Variants in DACH1 observed in about 807,000 individuals in gnomAD.
DACH1 encodes dachshund family transcription factor 1.
In DACH1, 12 loss-of-function variants were observed where a neutral mutation model predicts 54.2. The observed-to-expected ratio is 0.22, with a 90% CI of 0.14 to 0.36. DACH1 has a LOEUF of 0.36. DACH1 is among the 10% of genes least tolerant of loss of function. The pLI, the probability that DACH1 is intolerant of heterozygous loss-of-function variation, is 1.00. For synonymous variants in DACH1, 386 were observed against 366.2 expected (o/e 1.05, Z -0.62); for missense variants, 805 against 929.8 (o/e 0.87, Z 1.75).
intron 3 of DACH1, among the ~76,000 whole-genome samples, chr13:71,618,410 C>T (rs2138535004): frequency 6.6e-6 from 1 of 152,156 alleles, no homozygotes; most frequent in East Asian, 1.9e-4. Context: ...CATTTCTGAG[C>T]TCACTTTTCC....
chr13:71,750,411 G>A (rs1186157921), intron 1 of DACH1, among the ~76,000 whole-genome samples: 3 of 152,102 alleles, frequency 2.0e-5, no homozygotes, highest in Non-Finnish European at 4.4e-5. Context: ...ATGAATGAAT[G>A]ACAACAGAAT....
chr13:71,612,033 C>A (rs1043655483), intron 3 of DACH1, among the ~76,000 whole-genome samples: 1 of 152,058 alleles, frequency 6.6e-6, no homozygotes, highest in Non-Finnish European at 1.5e-5. Context: ...TATAACATCA[C>A]AAAAGATATT....
intron 1 of DACH1, among the ~76,000 whole-genome samples, chr13:71,729,400 A>G (rs1049374519): frequency 8.5e-5 from 13 of 152,060 alleles, no homozygotes; most frequent in Admixed American, 6.5e-4. Context: ...ACATAAAAGG[A>G]CACCACTCCT....
chr13:71,510,853 A>G (rs575860031), intron 6 of DACH1, among the ~76,000 whole-genome samples: 2 of 152,058 alleles, frequency 1.3e-5, no homozygotes, highest in South Asian at 4.2e-4. Context: ...TTTTATCTCT[A>G]TACTAGATCT....
chr13:71,840,270 T>G (rs1192611110), intron 1 of DACH1, among the ~76,000 whole-genome samples: 1 of 152,218 alleles, frequency 6.6e-6, no homozygotes, highest in Non-Finnish European at 1.5e-5. Flanking sequence ...TATTTAAAAC[T>G]GATTATTAAA....
At chr13:71,636,172 T>C (rs1407139572) in intron 2 of DACH1, among the ~76,000 whole-genome samples, 1 of 152,108 alleles carries the variant, frequency 6.6e-6, no homozygotes, top group Non-Finnish European at 1.5e-5. Flanking sequence ...GAAGTGATGT[T>C]CTCCAAGCCC....
In DACH1 at chr13:71,585,328, C is replaced by T. The variant is rs923799943; in HGVS notation, c.1127-12316G>A. On this transcript the variant is annotated intron_variant, in intron 3 of 10. Transcript: ENST00000613252. ...TGTGTGTTGGAAAAAAAATATATTT[C>T]AAAATGATGCAATAAGGTAAAGACT... is the stretch of plus-strand genomic sequence containing the variant. 3.9e-5 allele frequency among the ~76,000 whole-genome samples: 6 copies of T among 152,132 alleles called. 1 individual carries two copies. Among genetic ancestry groups the T allele is most frequent in the Admixed American group, 3.3e-4 (5 of 15,274 alleles).
In DACH1 at chr13:71,585,583, C is replaced by G. The variant is rs1336060241; in HGVS notation, c.1127-12571G>C. On this transcript the variant is annotated intron_variant, in intron 3 of 10. Coordinates refer to ENST00000613252, the MANE Select transcript of DACH1 (RefSeq NM_080759.6). Reference sequence around the variant, plus strand: ...GCAGTGAGGCGAAGACATACATAAACGGTGCGTCTGGATGACAGCTGGGTA... The same window carrying G: ...GCAGTGAGGCGAAGACATACATAAAGGGTGCGTCTGGATGACAGCTGGGTA... 2.6e-5 allele frequency among the ~76,000 whole-genome samples: 4 copies of G among 152,070 alleles called. No individual in the cohort carries two copies. The East Asian group carries it at 7.7e-4, about 29-fold the overall frequency.
chr13:71,657,945 T>G lies in DACH1; in HGVS notation c.964+23850A>C, dbSNP rs553645574. Among the ~76,000 whole-genome samples, 5 of 152,090 alleles carry G rather than the reference T, an allele frequency of 3.3e-5. No individual in the cohort carries two copies. The East Asian group carries it at 5.8e-4, about 18-fold the overall frequency. The stretch of plus-strand genomic sequence containing the variant: ...AAGTATACTCACGAACTTAAATAAT[T>G]CAACACAAAATAAAAAATGTACTTT... On this transcript the variant is annotated intron_variant, in intron 2 of 10. Coordinates refer to ENST00000613252, the MANE Select transcript of DACH1 (RefSeq NM_080759.6).
chr13:71,587,382 T>A (rs185694424), intron 3 of DACH1, among the ~76,000 whole-genome samples: 4 of 152,224 alleles, frequency 2.6e-5, no homozygotes, highest in Admixed American at 2.6e-4. Flanking sequence ...CAGCAGTGGA[T>A]AATGCCCCTT....
At chr13:71,719,938 T>G (rs933415490) in intron 1 of DACH1, among the ~76,000 whole-genome samples, 2 of 152,158 alleles carry the variant, frequency 1.3e-5, no homozygotes, top group Non-Finnish European at 2.9e-5. Context: ...CTACTTTTAG[T>G]TCTTTATTTA....
intron 4 of DACH1, among the ~76,000 whole-genome samples, chr13:71,560,698 C>T (rs1388202946): frequency 6.6e-6 from 1 of 152,164 alleles, no homozygotes; most frequent in Non-Finnish European, 1.5e-5. Flanking sequence ...AAGCTCTGTA[C>T]ATTCTCCATT....
chr13:71,842,982 GAC>G (rs1389535888), intron 1 of DACH1, among the ~76,000 whole-genome samples: 9 of 152,148 alleles, frequency 5.9e-5, no homozygotes. Flanking sequence ...TTATGGAACA[GAC>G]ACACTTCTAT....
chr13:71,504,552 G>T (rs1228177412), intron 6 of DACH1, among the ~76,000 whole-genome samples: 1 of 152,120 alleles, frequency 6.6e-6, no homozygotes, highest in East Asian at 1.9e-4. Flanking sequence ...GATCGCTAAG[G>T]GGAGAGAGGT....
intron 3 of DACH1, among the ~76,000 whole-genome samples, chr13:71,609,588 C>T (rs193182233): frequency 2.6e-5 from 4 of 151,932 alleles, no homozygotes; most frequent in Admixed American, 6.6e-5. Context: ...AGCCCAGGCG[C>T]GATCTTGGCT....
chr13:71,565,695 T>C (rs144060074), intron 4 of DACH1, among the ~76,000 whole-genome samples: 4 of 152,124 alleles, frequency 2.6e-5, no homozygotes, highest in Admixed American at 6.6e-5. Flanking sequence ...ACTTTGATTA[T>C]GGAACTCCAT....
chr13:71,721,515 A>G (rs978837387), intron 1 of DACH1, among the ~76,000 whole-genome samples: 5 of 152,148 alleles, frequency 3.3e-5, no homozygotes, highest in Non-Finnish European at 7.4e-5. Flanking sequence ...CATTCATTAA[A>G]AGCAGCTTGG....
rs182984834 is a variant in DACH1, at chr13:71,438,261, C to T, written c.*2394G>A. 1.6e-4 allele frequency: 24 copies of T among 152,236 alleles called. No individual in the cohort carries two copies. The highest frequency in any genetic ancestry group is 3.0e-4 in the Non-Finnish European group (20 of 67,794). 9.4% of individuals were successfully genotyped at this position (152,236 alleles called of 1,614,324 possible). A position where few individuals can be genotyped will look rare whatever the true frequency, so the allele number is the denominator to read the frequency against. On this transcript the variant is annotated 3_prime_UTR_variant, in exon 11 of 11. Transcript: ENST00000613252. Reference sequence around the variant, plus strand: ...TTCTGTTCCAAGGGCTTGCATAGAGCGCAAATGTGGTTATAATATAGAACA... The same window carrying T: ...TTCTGTTCCAAGGGCTTGCATAGAGTGCAAATGTGGTTATAATATAGAACA...
At chr13:71,548,086 A>T (rs1883574426) in intron 6 of DACH1, among the ~76,000 whole-genome samples, 1 of 152,210 alleles carries the variant, frequency 6.6e-6, no homozygotes, top group South Asian at 2.1e-4. Context: ...GTGTTAGGCA[A>T]AATTGAAAAT....
Sources: gnomAD v4.1 joint callset for allele counts (sites outside exome capture counted in the v4.1 genomes callset) on GRCh38, gnomAD v4.1.1 for gene constraint, MANE v1.5 for transcripts, NCBI Gene and HGNC (gene_info 2026-07-23, HGNC 2026-07-21) for gene names.